Variants in CRYBG1 observed in about 807,000 individuals in gnomAD.
CRYBG1 encodes the protein beta/gamma crystallin domain-containing protein 1.
A neutral mutation model predicts 189.2 loss-of-function variants in CRYBG1; 139 were observed. The ratio of observed to expected loss-of-function variants is 0.73; its 90% CI spans 0.64 to 0.85. The LOEUF (loss-of-function observed/expected upper bound fraction) is 0.85, where lower values mean the gene tolerates loss of function less well. Ranked by LOEUF, CRYBG1 falls within the 40% of genes least tolerant of loss-of-function variation. The pLI is 0.00. For synonymous variants in CRYBG1, 1,023 were observed against 1,017.1 expected, an observed-to-expected ratio of 1.01 and a Z score of -0.11; for missense variants, 2,611 against 2,675.8, an observed-to-expected ratio of 0.98 and a Z score of 0.53.
At chr6:106,467,066 A>C (rs941917329) in intron 2 of CRYBG1, among the ~76,000 whole-genome samples, 1 of 152,204 alleles carries the variant, frequency 6.6e-6, no homozygotes, top group Admixed American at 6.5e-5. Context: ...GAGTGGGATG[A>C]AGTCAAGAGA....
intron 2 of CRYBG1, among the ~76,000 whole-genome samples, chr6:106,482,867 G>A (rs536750097): frequency 6.6e-6 from 1 of 152,128 alleles, no homozygotes. Context: ...TTTTTTAATT[G>A]ACATCTTGTA....
intron 11 of CRYBG1, among the ~76,000 whole-genome samples, chr6:106,544,007 G>A (rs929450357): frequency 9.5e-4 from 144 of 152,298 alleles, no homozygotes; most frequent in Admixed American, 1.2e-3. Flanking sequence ...AGCCAAGATC[G>A]CACCATTGCA....
At position 106,520,590 on chromosome 6, in the gene CRYBG1, G is replaced by T. The variant is rs751433495; in HGVS notation, c.3382G>T (p.Ala1128Ser). 4.3e-6 allele frequency: 7 copies of T among 1,613,940 alleles called. No homozygotes were observed. Among genetic ancestry groups the T allele is most frequent in the East Asian group, 2.2e-5 (1 of 44,890 alleles). ...TTGTATGCCCATGAAAAGAAAGAAG[G>T]CCAGGATGCCAAACTCTCCTGCTCC... The part of the protein sequence containing the change: ...AVCMPMKRKK[A>S]RMPNSPAPHF... The change falls in exon 4 of 22, where the codon GCC becomes TCC. Residue 1128 changes from alanine (A) to serine (S), a missense_variant. Physicochemically the swap from Ala to Ser is moderately conservative, Grantham distance 99. Transcript: ENST00000633556.
chr6:106,539,201 T>G (rs1715700418), intron 8 of CRYBG1, among the ~76,000 whole-genome samples: 1 of 152,176 alleles, frequency 6.6e-6, no homozygotes, highest in African/African-American at 2.4e-5. Context: ...AGGAGAAAAG[T>G]AAAAGATCAA....
In CRYBG1 at chr6:106,521,078, T is replaced by A; in HGVS notation, c.3870T>A (p.Gly1290=). 6.2e-7 allele frequency: 1 copy of A among 1,614,108 alleles called. No homozygotes were observed. The highest frequency in any genetic ancestry group is 8.5e-7 in the Non-Finnish European group (1 of 1,180,006). ...QSSVSQPTTE[G]APPCGLNKEQ... is the part of the protein sequence containing the mutation. ...CAGTGTCACAGCCCACGACTGAGGG[T>A]GCCCCGCCCTGTGGTTTGAACAAAG... Residue 1290 remains glycine (G), a synonymous_variant, in exon 4 of 22, where the codon GGT becomes GGA. Coordinates refer to ENST00000633556, the MANE Select transcript of CRYBG1 (RefSeq NM_001371242.2).
chr6:106,502,556 C>T (rs945985636), intron 2 of CRYBG1, among the ~76,000 whole-genome samples: 3 of 152,058 alleles, frequency 2.0e-5, no homozygotes, highest in Admixed American at 6.5e-5. Context: ...AAAAAATCGC[C>T]GAATTAGGAT....
chr6:106,551,796 T>C, intron 13 of CRYBG1, 56 bp from the exon 14 acceptor site: 1 of 1,550,154 alleles, frequency 6.5e-7, no homozygotes, highest in Non-Finnish European at 8.8e-7. Context: ...TCCAAATATG[T>C]GATCGTTTTA....
chr6:106,403,322 C>G (rs1770758889), intron 1 of CRYBG1, among the ~76,000 whole-genome samples: 1 of 152,264 alleles, frequency 6.6e-6, no homozygotes, highest in South Asian at 2.1e-4. Context: ...GAGCAAGACC[C>G]AGTCTCAGTA....
At chr6:106,536,889 A>G (rs1381381570) in intron 8 of CRYBG1, among the ~76,000 whole-genome samples, 7 of 152,248 alleles carry the variant, frequency 4.6e-5, no homozygotes, top group Non-Finnish European at 1.0e-4. Context: ...GGCCTCATAA[A>G]TAATGTATCT....
At chr6:106,456,762 G>A (rs764255547) in intron 2 of CRYBG1, among the ~76,000 whole-genome samples, 3 of 151,960 alleles carry the variant, frequency 2.0e-5, no homozygotes, top group Non-Finnish European at 2.9e-5. Context: ...TTCTCTCAGT[G>A]CCCAATACCC....
At chr6:106,444,396 G>C (rs1210831442) in intron 1 of CRYBG1, among the ~76,000 whole-genome samples, 1 of 152,198 alleles carries the variant, frequency 6.6e-6, no homozygotes, top group African/African-American at 2.4e-5. Context: ...CAATACTCTT[G>C]ATAAAACCGA....
rs998079994 is a variant in CRYBG1 at position 106,512,034 on chromosome 6, C to A, written c.917C>A (p.Ala306Glu). 1 of 1,530,078 alleles carries A rather than the reference C, an allele frequency of 6.5e-7. No homozygotes were observed. Among genetic ancestry groups the A allele is most frequent in the South Asian group, 1.2e-5 (1 of 83,390 alleles). 94.8% of individuals were successfully genotyped at this position (1,530,078 alleles called of 1,614,324 possible). ...APGSPTQERP[A>E]GGLGEAPNGA... ...GGGTCGCCCACCCAGGAGCGGCCCGCGGGAGGACTAGGCGAGGCCCCTAAC... is the reference window on the plus strand; with the variant it reads ...GGGTCGCCCACCCAGGAGCGGCCCGAGGGAGGACTAGGCGAGGCCCCTAAC... The change falls in exon 3 of 22, where the codon GCG becomes GAG. Residue 306 changes from alanine (A) to glutamate (E), a missense_variant. Around this residue, in one of 3 missense-constraint regions of CRYBG1, gnomAD observed 985 missense variants for 924.4 expected, o/e 1.07. Transcript: ENST00000633556.
At chr6:106,374,725 T>A (rs1055495796) in intron 1 of CRYBG1, among the ~76,000 whole-genome samples, 1 of 152,200 alleles carries the variant, frequency 6.6e-6, no homozygotes, top group Non-Finnish European at 1.5e-5. Flanking sequence ...ATGGTTCTAT[T>A]TATATCTATA....
At chr6:106,510,261 T>C (rs114573780) in intron 2 of CRYBG1, among the ~76,000 whole-genome samples, 6,043 of 152,296 alleles carry the variant, frequency 0.04, 141 homozygotes, top group Non-Finnish European at 0.05. Flanking sequence ...CAGGCTGGGC[T>C]CGCCGCCCCT....
intron 1 of CRYBG1, among the ~76,000 whole-genome samples, chr6:106,386,149 A>C (rs1770385387): frequency 6.6e-6 from 1 of 152,230 alleles, no homozygotes; most frequent in Admixed American, 6.5e-5. Context: ...AACCTGTTGC[A>C]ATGAACCTGT....
intron 15 of CRYBG1, 90 bp from the exon 16 acceptor site, chr6:106,553,365 C>A: frequency 2.6e-6 from 2 of 774,960 alleles, no homozygotes; most frequent in South Asian, 1.7e-5. Flanking sequence ...CAAAAGTCAG[C>A]AGGTCATGTT....
rs1224492777 is a variant in CRYBG1 at position 106,519,890 on chromosome 6, A to G, written c.2682A>G (p.Ile894Met). 2.0e-5 allele frequency: 33 copies of G among 1,614,020 alleles called. No individual in the cohort carries two copies. In the Admixed American group the frequency reaches 5.2e-4, roughly 25 times the overall value. The change falls in exon 4 of 22, where the codon ATA becomes ATG. Residue 894 changes from isoleucine (I) to methionine (M), a missense_variant. By Grantham distance (10) the Ile-to-Met change is conservative. Coordinates refer to ENST00000633556, the MANE Select transcript of CRYBG1 (RefSeq NM_001371242.2). ...AAGACACATGTGTTCAATCACCCAT[A>G]AGCAGTTTCCCATGCACTGATCTAA... ...VPKDTCVQSP[I>M]SSFPCTDLKV...
At chr6:106,430,095 T>G (rs1771297546) in intron 1 of CRYBG1, among the ~76,000 whole-genome samples, 1 of 152,178 alleles carries the variant, frequency 6.6e-6, no homozygotes, top group South Asian at 2.1e-4. Context: ...TTTCTATGGA[T>G]GATTTTCATA....
chr6:106,551,709 AAAGG>A, intron 13 of CRYBG1, 139 bp from the exon 14 acceptor site: 2 of 880,266 alleles, frequency 2.3e-6, no homozygotes, highest in Non-Finnish European at 3.6e-6. Flanking sequence ...ATCTGCTTCT[AAAGG>A]TTAATGGAGA....
Sources: gnomAD v4.1 joint callset for allele counts (sites outside exome capture counted in the v4.1 genomes callset) on GRCh38, gnomAD v4.1.1 for gene constraint, gnomAD v4.1.1 regional missense constraint, MANE v1.5 for transcripts, NCBI Gene and HGNC (gene_info 2026-07-23, HGNC 2026-07-21) for gene names.